The following UHRF1 variants were observed in gnomAD, a reference collection of about 807,000 sequenced individuals.
UHRF1 encodes the protein E3 ubiquitin-protein ligase UHRF1.
UHRF1 carries 9 observed loss-of-function variants against 96.5 expected under a neutral mutation model. The ratio of observed to expected loss-of-function variants is 0.09; its 90% CI spans 0.06 to 0.16. The LOEUF (loss-of-function observed/expected upper bound fraction) is 0.16, where lower values mean the gene tolerates loss of function less well. UHRF1 is among the 10% of genes least tolerant of loss of function. UHRF1 has a pLI of 1.00. For synonymous variants in UHRF1, 455 were observed against 469.9 expected, an observed-to-expected ratio of 0.97 and a Z score of 0.41; for missense variants, 626 against 1,131.1, an observed-to-expected ratio of 0.55 and a Z score of 6.40.
chr19:4,907,505 A>C (rs954154070), upstream of UHRF1, among the ~76,000 whole-genome samples: 1 of 151,886 alleles, frequency 6.6e-6, no homozygotes, highest in Non-Finnish European at 1.5e-5. Flanking sequence ...CCTGACCTCC[A>C]GTTATCTGCC....
In UHRF1 at chr19:4,930,062, A is replaced by T. The variant is rs180859206; in HGVS notation, c.408+586A>T. Among the ~76,000 whole-genome samples, 2 of 151,728 alleles carry T rather than the reference A, an allele frequency of 1.3e-5. No individual in the cohort carries two copies. Among genetic ancestry groups the T allele is most frequent in the Admixed American group, 1.3e-4 (2 of 15,178 alleles). ...CCATCTCGGCTCATTGCAACCTCCA[A>T]CTCCTGGGTTCAAGCAATTCTCGTG... On this transcript the variant is annotated intron_variant, in intron 3 of 16. Transcript: ENST00000650932. This position sits in a 1 kb window ranked among gnomAD's most constrained non-coding sequence, Gnocchi z 4.4.
At chr19:4,958,862 T>C (rs756519947) in intron 16 of UHRF1, among the ~76,000 whole-genome samples, 2 of 150,660 alleles carry the variant, frequency 1.3e-5, no homozygotes, top group Non-Finnish European at 2.9e-5. Context: ...CTCAGGAGAC[T>C]GAGGTGGTAG....
chr19:4,958,946 A>G (rs1351546244), intron 16 of UHRF1, among the ~76,000 whole-genome samples: 2 of 148,724 alleles, frequency 1.3e-5, no homozygotes, highest in Non-Finnish European at 3.0e-5. Context: ...TGGGCGTCAG[A>G]GCAAGATTCT....
At chr19:4,941,304 T>C (rs2033391335) in intron 5 of UHRF1, among the ~76,000 whole-genome samples, 1 of 152,038 alleles carries the variant, frequency 6.6e-6, no homozygotes, top group Non-Finnish European at 1.5e-5. Flanking sequence ...TTGGCCAGGC[T>C]GGTCTCGAAC....
chr19:4,924,342 G>A (rs1398627190), intron 2 of UHRF1, among the ~76,000 whole-genome samples: 1 of 152,092 alleles, frequency 6.6e-6, no homozygotes, highest in Non-Finnish European at 1.5e-5. Context: ...GTAGAGATGG[G>A]GTTTCGCCGT....
chr19:4,913,898 A>G (rs1020701793), intron 2 of UHRF1, among the ~76,000 whole-genome samples: 2 of 126,150 alleles, frequency 1.6e-5, no homozygotes, highest in Non-Finnish European at 3.2e-5. Context: ...CTCAACCTCC[A>G]CCTCCTGGGT....
At chr19:4,941,225 G>A (rs975076757) in intron 5 of UHRF1, among the ~76,000 whole-genome samples, 1 of 151,396 alleles carries the variant, frequency 6.6e-6, no homozygotes, top group East Asian at 1.9e-4. Context: ...CGAGTAGCTG[G>A]GATTACATGC....
chr19:4,961,735 A>AT lies in UHRF1; in HGVS notation c.*939dup, dbSNP rs1435076277. 54 of 142,032 alleles carry AT rather than the reference A, an allele frequency of 3.8e-4. No individual in the cohort carries two copies. The highest frequency in any genetic ancestry group is 1.2e-3 in the African/African-American group (48 of 40,530). 8.8% of individuals were successfully genotyped at this position (142,032 alleles called of 1,614,324 possible). On this transcript the variant is annotated 3_prime_UTR_variant, in exon 17 of 17. Transcript: ENST00000650932. ...GAGCCTTATAGATCATTTACATTCA[A>AT]TTTTTTTAACTCAGCAAGTGAGAAC...
chr19:4,915,468 C>T (rs964411421), intron 2 of UHRF1, among the ~76,000 whole-genome samples: 3 of 152,194 alleles, frequency 2.0e-5, no homozygotes. Flanking sequence ...AATCCCGGTG[C>T]TTTGGGAGGC....
intron 2 of UHRF1, among the ~76,000 whole-genome samples, chr19:4,922,357 C>T (rs1014719728): frequency 6.6e-6 from 1 of 151,318 alleles, no homozygotes; most frequent in African/African-American, 2.4e-5. Context: ...ACTCTGCCTC[C>T]TGGGTTCAAG....
chr19:4,944,023 AGTGGTGCCAGGCGGGGAGAGCCATGTCC>A, intron 7 of UHRF1, 81 bp from the exon 8 acceptor site: 1 of 1,503,652 alleles, frequency 6.7e-7, no homozygotes, highest in South Asian at 1.3e-5. Flanking sequence ...GCAGGATGGT[AGTGGTGCCAGGCGGGGAGAGCCATGTCC>A]GTGGTGTGTG....
intron 11 of UHRF1, among the ~76,000 whole-genome samples, chr19:4,949,473 G>GAGAC (rs58734955): frequency 6.8e-6 from 1 of 147,742 alleles, no homozygotes; most frequent in African/African-American, 2.5e-5. Context: ...TTGGCACATA[G>GAGAC]ACACACACAC....
chr19:4,929,957 C>G (rs8113567), intron 3 of UHRF1, among the ~76,000 whole-genome samples: 2 of 152,168 alleles, frequency 1.3e-5, no homozygotes, highest in East Asian at 3.9e-4. Flanking sequence ...TGTGCCACCA[C>G]GCCCAGCTAA....
chr19:4,903,974 T>C lies in UHRF1; in HGVS notation c.-11+329T>C, dbSNP rs79728770. Among the ~76,000 whole-genome samples, 849 of 152,060 alleles carry C rather than the reference T, an allele frequency of 5.6e-3. 13 individuals are homozygous for C. The highest frequency in any genetic ancestry group is 0.024 in the South Asian group (116 of 4,816). On this transcript the variant is annotated intron_variant, in intron 1 of 16. Transcript: ENST00000612630. ...CAGGAAGCAGCAACTCCCTGCATGA[T>C]TGACATTTCTCTTTTTTTTTGAGGT... is the stretch of plus-strand genomic sequence containing the variant.
At chr19:4,944,843 A>C (rs2033515580) in intron 9 of UHRF1, among the ~76,000 whole-genome samples, 1 of 152,044 alleles carries the variant, frequency 6.6e-6, no homozygotes, top group African/African-American at 2.4e-5. Flanking sequence ...GGCAGACGAG[A>C]CACTTTGGCA....
intron 2 of UHRF1, among the ~76,000 whole-genome samples, chr19:4,921,332 G>A (rs571490851): frequency 2.6e-5 from 4 of 152,152 alleles, no homozygotes; most frequent in Admixed American, 2.0e-4. Context: ...GCAGCTACTC[G>A]GGAGGCTGAG....
At chr19:4,918,457 C>T (rs1251238945) in intron 2 of UHRF1, among the ~76,000 whole-genome samples, 4 of 148,512 alleles carry the variant, frequency 2.7e-5, no homozygotes, top group South Asian at 2.1e-4. Flanking sequence ...CTTGCTCTGT[C>T]GCCAGGCTGG....
At chr19:4,908,583 G>A (rs1179309983), upstream of UHRF1, among the ~76,000 whole-genome samples, 1 of 151,994 alleles carries the variant, frequency 6.6e-6, no homozygotes, top group Non-Finnish European at 1.5e-5. Flanking sequence ...TCTGTCCTTG[G>A]AGTCTCATCT....
intron 15 of UHRF1, among the ~76,000 whole-genome samples, chr19:4,955,940 AT>A (rs1303614391): frequency 1.3e-5 from 2 of 150,806 alleles, no homozygotes; most frequent in East Asian, 1.9e-4. Flanking sequence ...TATTTTTATT[AT>A]TTTTTTTTGA....
Sources: allele counts gnomAD v4.1 joint callset (sites outside exome capture counted in the v4.1 genomes callset), GRCh38; gene constraint gnomAD v4.1.1; non-coding constraint Gnocchi (gnomAD v3.1); transcripts MANE v1.5; gene names NCBI Gene and HGNC (gene_info 2026-07-23, HGNC 2026-07-21).